CENPP: variants seen among roughly 807,000 people sequenced by gnomAD.
CENPP encodes centromere protein P.
A neutral mutation model predicts 35.6 loss-of-function variants in CENPP; 24 were observed. The ratio of observed to expected loss-of-function variants is 0.67; its 90% CI spans 0.49 to 0.95. CENPP has a LOEUF of 0.95. CENPP is among the 40% of genes least tolerant of loss of function. CENPP has a pLI of 0.00. For synonymous variants in CENPP, 120 were observed against 125.5 expected (o/e 0.96, Z 0.29); for missense variants, 332 against 345.3 (o/e 0.96, Z 0.31).
At chr9:92,383,950 C>A (rs1465960808) in intron 5 of CENPP, 1 of 151,928 alleles carries the variant, frequency 6.6e-6, no homozygotes, top group African/African-American at 2.4e-5. Context: ...TCAATTTTTC[C>A]AAATAAAACA....
At chr9:92,444,638 C>A (rs939608143) in intron 5 of CENPP, among the ~76,000 whole-genome samples, 1 of 152,124 alleles carries the variant, frequency 6.6e-6, no homozygotes, top group African/African-American at 2.4e-5. Flanking sequence ...ATCTCTGTCC[C>A]ATGTTAAGCT....
At chr9:92,523,698 T>C (rs1390596161) in intron 5 of CENPP, among the ~76,000 whole-genome samples, 1 of 152,158 alleles carries the variant, frequency 6.6e-6, no homozygotes, top group African/African-American at 2.4e-5. Flanking sequence ...AGCATATCTT[T>C]AACTTATTGG....
intron 4 of CENPP, among the ~76,000 whole-genome samples, chr9:92,354,691 A>G (rs541142021): frequency 1.4e-3 from 220 of 152,302 alleles, no homozygotes; most frequent in Admixed American, 1.9e-3. Flanking sequence ...CTTTAACTTA[A>G]AAAAAGTTTA....
chr9:92,589,223 CA>C (rs1398196606), intron 5 of CENPP, among the ~76,000 whole-genome samples: 1 of 151,662 alleles, frequency 6.6e-6, no homozygotes, highest in Non-Finnish European at 1.5e-5. Context: ...CCTGTAGTCC[CA>C]GTGCACCGTC....
intron 4 of CENPP, among the ~76,000 whole-genome samples, chr9:92,355,704 A>G (rs965671803): frequency 2.0e-5 from 3 of 152,236 alleles, no homozygotes; most frequent in Non-Finnish European, 4.4e-5. Flanking sequence ...ATAGCCCATT[A>G]TGAGACATTT....
intron 4 of CENPP, among the ~76,000 whole-genome samples, chr9:92,369,958 A>G (rs1181570210): frequency 6.6e-6 from 1 of 152,008 alleles, no homozygotes; most frequent in African/African-American, 2.4e-5. Flanking sequence ...TGGGTTTTTT[A>G]TATGTAGCCT....
intron 5 of CENPP, among the ~76,000 whole-genome samples, chr9:92,497,328 A>T (rs1203325078): frequency 1.3e-5 from 2 of 150,744 alleles, no homozygotes; most frequent in African/African-American, 4.9e-5. Flanking sequence ...TGATACTTTT[A>T]AAAAGTAAAG....
chr9:92,546,906 T>C (rs191884129), intron 5 of CENPP, among the ~76,000 whole-genome samples: 144 of 152,300 alleles, frequency 9.5e-4, no homozygotes, highest in Middle Eastern at 3.4e-3. Context: ...ATACCACAGG[T>C]CTCTATATTC....
intron 2 of CENPP, among the ~76,000 whole-genome samples, chr9:92,333,801 C>G (rs1840833968): frequency 1.3e-5 from 2 of 150,948 alleles, no homozygotes; most frequent in African/African-American, 4.9e-5. Context: ...AATCAAAGAG[C>G]TTTTTGAAGT....
intron 5 of CENPP, among the ~76,000 whole-genome samples, chr9:92,533,348 T>A (rs1231144515): frequency 3.0e-4 from 37 of 123,740 alleles, no homozygotes; most frequent in Non-Finnish European, 4.7e-4. Flanking sequence ...TATATATATA[T>A]ATATATATAT....
At chr9:92,336,171 T>TC (rs1303308591) in intron 2 of CENPP, among the ~76,000 whole-genome samples, 2 of 152,244 alleles carry the variant, frequency 1.3e-5, no homozygotes, top group East Asian at 1.9e-4. Flanking sequence ...CTCTTTTTTT[T>TC]CTGATAGTTT....
chr9:92,547,988 C>T (rs2131321371), intron 5 of CENPP, among the ~76,000 whole-genome samples: 1 of 152,262 alleles, frequency 6.6e-6, no homozygotes, highest in African/African-American at 2.4e-5. Context: ...GAAGGAAAAA[C>T]TGTTACTATT....
intron 5 of CENPP, among the ~76,000 whole-genome samples, chr9:92,524,133 C>T (rs556141493): frequency 1.3e-5 from 2 of 152,194 alleles, no homozygotes; most frequent in Non-Finnish European, 2.9e-5. Flanking sequence ...ATGTAATCCA[C>T]AACCCATTTT....
chr9:92,593,884 G>A lies in CENPP; in HGVS notation c.565-17430G>A, dbSNP rs1034983062. ...ACCCGGTAGAGAAGCCAAGAATATA[G>A]GTACACTTTGCTACCTTTCTCACGA... On this transcript the variant is annotated intron_variant, in intron 5 of 7. Transcript: ENST00000375587. The surrounding 1 kb of genome is among the most constrained non-coding windows in gnomAD (Gnocchi z 4.1). 2.0e-5 allele frequency among the ~76,000 whole-genome samples: 3 copies of A among 152,168 alleles called. No individual in the cohort carries two copies. Among genetic ancestry groups the A allele is most frequent in the African/African-American group, 7.2e-5 (3 of 41,460 alleles).
At chr9:92,602,818 A>AT (rs1850959126) in intron 5 of CENPP, among the ~76,000 whole-genome samples, 1 of 140,426 alleles carries the variant, frequency 7.1e-6, no homozygotes, top group East Asian at 2.1e-4. Flanking sequence ...TAAATTCAAA[A>AT]TTACATTCAA....
chr9:92,582,499 A>G (rs1850451501), intron 5 of CENPP, among the ~76,000 whole-genome samples: 1 of 152,252 alleles, frequency 6.6e-6, no homozygotes, highest in South Asian at 2.1e-4. Flanking sequence ...TAACAAGTGT[A>G]AAACTGAAAA....
At chr9:92,389,095 T>C (rs7853859) in intron 5 of CENPP, among the ~76,000 whole-genome samples, 67,498 of 151,904 alleles carry the variant, frequency 0.44, 17,238 homozygotes, top group African/African-American at 0.7. Context: ...TGATAGTTTC[T>C]GAAGTTACCT....
intron 5 of CENPP, among the ~76,000 whole-genome samples, chr9:92,453,312 T>G (rs996158866): frequency 6.6e-6 from 1 of 152,182 alleles, no homozygotes; most frequent in Non-Finnish European, 1.5e-5. Flanking sequence ...TTTGTTCTCA[T>G]TGGTTTCAAA....
In CENPP at chr9:92,385,479, A is replaced by T. The variant is rs1842381774; in HGVS notation, c.564+5620A>T. 2.4e-5 allele frequency: 17 copies of T among 698,958 alleles called. No homozygotes were observed. The South Asian group carries it at 4.1e-4, about 17-fold the overall frequency. 43.3% of individuals were successfully genotyped at this position (698,958 alleles called of 1,614,324 possible). A position where few individuals can be genotyped will look rare whatever the true frequency, so the allele number is the denominator to read the frequency against. On this transcript the variant is annotated intron_variant, in intron 5 of 7. Coordinates refer to ENST00000375587, the MANE Select transcript of CENPP (RefSeq NM_001012267.3). ...TTTACTTATTATATGTAAGATTTTG[A>T]ACATCCTTGCTTAAAATATTAAATT...
Sources: gnomAD v4.1 joint callset for allele counts (sites outside exome capture counted in the v4.1 genomes callset) on GRCh38, gnomAD v4.1.1 for gene constraint, Gnocchi (gnomAD v3.1) non-coding constraint, MANE v1.5 for transcripts, NCBI Gene and HGNC (gene_info 2026-07-23, HGNC 2026-07-21) for gene names.